The following TTC3 variants were observed in gnomAD, a reference collection of about 807,000 sequenced individuals.
TTC3 encodes E3 ubiquitin-protein ligase TTC3.
TTC3 carries 180 observed loss-of-function variants against 249.6 expected under a neutral mutation model. The observed-to-expected ratio is 0.72, with a 90% confidence interval of 0.64 to 0.82. The LOEUF (loss-of-function observed/expected upper bound fraction) is 0.82. Ranked by LOEUF, TTC3 falls within the 40% of genes least tolerant of loss-of-function variation. The probability of loss-of-function intolerance (pLI) is 0.00; values close to 1 mark genes in which losing one functional copy is unlikely to be tolerated. For synonymous variants in TTC3, 717 were observed against 805.0 expected (o/e 0.89, Z 1.85); for missense variants, 2,061 against 2,398.4 (o/e 0.86, Z 2.94).
chr21:37,121,594 C>A (rs933560412), intron 11 of TTC3, among the ~76,000 whole-genome samples: 1 of 152,038 alleles, frequency 6.6e-6, no homozygotes, highest in Admixed American at 6.5e-5. Flanking sequence ...AATATTGATC[C>A]TTAGTTATTG....
At chr21:37,113,494 C>T (rs1481136851) in intron 11 of TTC3, among the ~76,000 whole-genome samples, 1 of 152,172 alleles carries the variant, frequency 6.6e-6, no homozygotes, top group East Asian at 1.9e-4. Flanking sequence ...TGAAGGACCT[C>T]TTCAAGGAGA....
intron 35 of TTC3, among the ~76,000 whole-genome samples, chr21:37,173,105 A>C (rs1413654661): frequency 6.6e-6 from 1 of 152,216 alleles, no homozygotes; most frequent in Non-Finnish European, 1.5e-5. Flanking sequence ...CCCTGGAGAC[A>C]GACTGGCTGG....
At chr21:37,091,598 T>TATTTA in intron 7 of TTC3, 185 bp downstream of exon 7, 5 of 211,466 alleles carry the variant, frequency 2.4e-5, no homozygotes, top group Non-Finnish European at 4.1e-5. Flanking sequence ...TTTATTTATT[T>TATTTA]TGAGGCAGAT....
exon 10 of TTC3, chr21:37,096,643 G>C (rs773861011): frequency 1.2e-6 from 2 of 1,607,570 alleles, no homozygotes; most frequent in African/African-American, 2.7e-5. Context: ...GGACAGTTTA[G>C]GTAAGTTGGT....
At chr21:37,097,979 C>T in intron 10 of TTC3, 1 of 712,420 alleles carries the variant, frequency 1.4e-6, no homozygotes, top group African/African-American at 1.8e-5. Context: ...ATAAAAATCA[C>T]CAGTAATCCA....
intron 15 of TTC3, among the ~76,000 whole-genome samples, chr21:37,127,372 A>G (rs1398310857): frequency 6.6e-6 from 1 of 152,154 alleles, no homozygotes; most frequent in Non-Finnish European, 1.5e-5. Context: ...GTATTTATTT[A>G]CATATCTAGT....
chr21:37,157,250 T>A (rs1192894220), intron 28 of TTC3: 2 of 1,220,494 alleles, frequency 1.6e-6, no homozygotes, highest in Non-Finnish European at 1.1e-6. Flanking sequence ...TAGAAAACAT[T>A]GGTCTGCAGA....
intron 11 of TTC3, among the ~76,000 whole-genome samples, chr21:37,119,929 G>C (rs1431082364): frequency 6.6e-6 from 1 of 152,174 alleles, no homozygotes; most frequent in Non-Finnish European, 1.5e-5. Context: ...AGGAAAAGGA[G>C]ACCCTCTCTC....
exon 33 of TTC3, chr21:37,165,987 C>G: frequency 6.2e-7 from 1 of 1,614,164 alleles, no homozygotes; most frequent in Admixed American, 1.7e-5. Context: ...AAACCAGTAT[C>G]CGACAATTCT....
intron 28 of TTC3, among the ~76,000 whole-genome samples, chr21:37,158,668 G>T (rs1054626984): frequency 1.3e-5 from 2 of 152,012 alleles, no homozygotes; most frequent in African/African-American, 4.8e-5. Context: ...AAAGCAGTAT[G>T]ACTGAACCCA....
At chr21:37,197,510 T>C (rs1308300514) in intron 42 of TTC3, 60 bp from the exon 43 acceptor site, 7 of 1,599,900 alleles carry the variant, frequency 4.4e-6, no homozygotes, top group Non-Finnish European at 5.1e-6. Context: ...TATTGGCATG[T>C]AATATTTCTT....
At chr21:37,166,395 A>G (rs373860246) in exon 33 of TTC3, 233 of 1,614,096 alleles carry the variant, frequency 1.4e-4, no homozygotes, top group Non-Finnish European at 1.8e-4. Context: ...AATGCTGAGA[A>G]TGTTGCTGGT....
exon 34 of TTC3, chr21:37,167,603 C>T: frequency 6.2e-7 from 1 of 1,610,074 alleles, no homozygotes; most frequent in Non-Finnish European, 8.5e-7. Context: ...GCCATATAAT[C>T]CTTTTGAGGA....
intron 11 of TTC3, among the ~76,000 whole-genome samples, chr21:37,114,460 T>G (rs2075952468): frequency 6.6e-6 from 1 of 152,162 alleles, no homozygotes; most frequent in African/African-American, 2.4e-5. Context: ...ATCAGAGAAA[T>G]GCAAATCAAA....
In TTC3 at chr21:37,135,526, A is replaced by G. The variant is rs746097761; in HGVS notation, c.1578+12A>G. 7 of 1,610,330 alleles carry G rather than the reference A, an allele frequency of 4.3e-6. No individual in the cohort carries two copies. The highest frequency in any genetic ancestry group is 4.2e-6 in the Non-Finnish European group (5 of 1,177,904). On this transcript the variant is annotated intron_variant, in intron 18 of 45. Transcript: ENST00000355666. ...CTCAAAAAATAAAGGTAAATTTGCC[A>G]TATCATAACTTGTTTATCAATGCTA... is the stretch of plus-strand genomic sequence containing the variant.
At chr21:37,188,656 G>A in intron 39 of TTC3, 61 bp downstream of exon 39, 1 of 1,285,300 alleles carries the variant, frequency 7.8e-7, no homozygotes, top group East Asian at 2.3e-5. Flanking sequence ...AGGACCATTT[G>A]AGAAAAACAT....
chr21:37,120,409 A>G (rs2076486721), intron 11 of TTC3, among the ~76,000 whole-genome samples: 1 of 152,190 alleles, frequency 6.6e-6, no homozygotes, highest in Non-Finnish European at 1.5e-5. Flanking sequence ...GTATGGAGAA[A>G]AGAGAAAGAA....
chr21:37,126,257 T>A (rs1601624386), intron 15 of TTC3, 114 bp downstream of exon 15: 1 of 745,580 alleles, frequency 1.3e-6, no homozygotes, highest in East Asian at 2.7e-5. Flanking sequence ...TCCTTTACTT[T>A]ATAATGCTTC....
At chr21:37,094,387 T>G (rs929956163) in intron 8 of TTC3, among the ~76,000 whole-genome samples, 14 of 152,218 alleles carry the variant, frequency 9.2e-5, no homozygotes, top group African/African-American at 3.1e-4. Context: ...AAATAGGACT[T>G]TAACTCAATT....
Sources: gnomAD v4.1 joint callset for allele counts (sites outside exome capture counted in the v4.1 genomes callset) on GRCh38, gnomAD v4.1.1 for gene constraint, MANE v1.5 for transcripts, NCBI Gene and HGNC (gene_info 2026-07-23, HGNC 2026-07-21) for gene names.